Variants in PLEKHD1 observed in about 807,000 individuals in gnomAD.
PLEKHD1 encodes the protein pleckstrin homology domain-containing family D member 1.
In PLEKHD1, 51 loss-of-function variants were observed where a neutral mutation model predicts 69.2. That is an observed-to-expected ratio of 0.74 (90% CI 0.59 to 0.93). The LOEUF (loss-of-function observed/expected upper bound fraction) is 0.93, where lower values mean the gene tolerates loss of function less well. Ranked by LOEUF, PLEKHD1 falls within the 40% of genes least tolerant of loss-of-function variation. The probability of loss-of-function intolerance (pLI) is 0.00; values close to 1 mark genes in which losing one functional copy is unlikely to be tolerated. For synonymous variants in PLEKHD1, 236 were observed against 244.7 expected (o/e 0.96, Z 0.33); for missense variants, 584 against 641.0 (o/e 0.91, Z 0.96).
At chr14:69,517,219 CAA>C (rs1883404405) in intron 6 of PLEKHD1, among the ~76,000 whole-genome samples, 1 of 152,000 alleles carries the variant, frequency 6.6e-6, no homozygotes, top group African/African-American at 2.4e-5. Flanking sequence ...GCATGAATCC[CAA>C]GTTTCTCACC....
chr14:69,482,906 A>T (rs1309978336), upstream of PLEKHD1, among the ~76,000 whole-genome samples: 3 of 116,302 alleles, frequency 2.6e-5, no homozygotes, highest in Non-Finnish European at 6.0e-5. Flanking sequence ...AAAAAAAAAA[A>T]GAAAGAAAGA....
the PLEKHD1 span, among the ~76,000 whole-genome samples, chr14:69,469,432 G>A: frequency 6.6e-6 from 1 of 151,446 alleles, no homozygotes; most frequent in Admixed American, 6.6e-5. Flanking sequence ...AAGAGACAGG[G>A]TCTCTCTCGC....
the PLEKHD1 span, among the ~76,000 whole-genome samples, chr14:69,471,769 C>T: frequency 2.0e-5 from 3 of 152,182 alleles, no homozygotes; most frequent in African/African-American, 7.2e-5. Flanking sequence ...AACCACCACC[C>T]ATGGTAGTCT....
chr14:69,479,421 GC>G, the PLEKHD1 span, among the ~76,000 whole-genome samples: 1 of 152,188 alleles, frequency 6.6e-6, no homozygotes, highest in Admixed American at 6.5e-5. Flanking sequence ...CTTGAAAAGA[GC>G]ACGCATGATG....
rs1291430881 is a variant in PLEKHD1 at position 69,530,399 on chromosome 14, C to T, written c.*1980C>T. 6.6e-6 allele frequency: 1 copy of T among 152,176 alleles called. No homozygotes were observed. The highest frequency in any genetic ancestry group is 1.5e-5 in the Non-Finnish European group (1 of 68,034). 9.4% of individuals were successfully genotyped at this position (152,176 alleles called of 1,614,324 possible). A position where few individuals can be genotyped will look rare whatever the true frequency, so the allele number is the denominator to read the frequency against. ...AATGTAAAACTTTAAACGTGTATAACATGCATAAACCTGGAACTTGTTTCT... is the reference window on the plus strand; with the variant it reads ...AATGTAAAACTTTAAACGTGTATAATATGCATAAACCTGGAACTTGTTTCT... On this transcript the variant is annotated 3_prime_UTR_variant, in exon 13 of 13. Coordinates refer to ENST00000322564, the MANE Select transcript of PLEKHD1 (RefSeq NM_001161498.2).
intron 6 of PLEKHD1, chr14:69,503,794 G>T (rs951373918): frequency 1.0e-4 from 15 of 150,506 alleles, no homozygotes; most frequent in African/African-American, 3.7e-4. Flanking sequence ...AACCCGGGAG[G>T]CCGAGGCTGC....
At chr14:69,498,315 G>C (rs1388664254) in intron 1 of PLEKHD1, among the ~76,000 whole-genome samples, 1 of 152,020 alleles carries the variant, frequency 6.6e-6, no homozygotes, top group East Asian at 1.9e-4. Context: ...CTGACTTCAA[G>C]TGATCTACCT....
At chr14:69,499,627 T>C (rs1020627841) in intron 1 of PLEKHD1, among the ~76,000 whole-genome samples, 25 of 152,364 alleles carry the variant, frequency 1.6e-4, no homozygotes, top group Admixed American at 1.5e-3. Context: ...GGGAGCAGCC[T>C]GAGACAAACG....
intron 1 of PLEKHD1, among the ~76,000 whole-genome samples, chr14:69,486,472 T>G (rs1003364944): frequency 6.6e-6 from 1 of 152,104 alleles, no homozygotes; most frequent in African/African-American, 2.4e-5. Flanking sequence ...TGGAGTGTAT[T>G]TGGGGAGCTT....
upstream of PLEKHD1, chr14:69,484,679 C>A (rs1028832145): frequency 1.2e-5 from 4 of 321,386 alleles, no homozygotes; most frequent in Admixed American, 5.1e-5. Context: ...GTGGCTAGGG[C>A]GGGAGGGGAG....
Position 69,499,443 on chromosome 14 carries a change from C to T in PLEKHD1, c.150-672C>T, listed in dbSNP as rs368157655. 4.5e-4 allele frequency among the ~76,000 whole-genome samples: 68 copies of T among 152,290 alleles called. 1 individual carries two copies. In the South Asian group the frequency reaches 6.8e-3, roughly 15 times the overall value. Reference sequence around the variant, plus strand: ...GGTGCTTGGTGGCTCATCATAGCTCCAAACATGAGTCCTGGGAGAGCCCCT... The same window carrying T: ...GGTGCTTGGTGGCTCATCATAGCTCTAAACATGAGTCCTGGGAGAGCCCCT... On this transcript the variant is annotated intron_variant, in intron 1 of 12. Transcript: ENST00000322564.
At chr14:69,490,512 G>C (rs1407843234) in intron 1 of PLEKHD1, among the ~76,000 whole-genome samples, 1 of 152,208 alleles carries the variant, frequency 6.6e-6, no homozygotes, top group Non-Finnish European at 1.5e-5. Context: ...GGGCCCAGGG[G>C]TTGAAGACTC....
At position 69,485,025 on chromosome 14, in the gene PLEKHD1, G is replaced by A. The variant is rs1349752509; in HGVS notation, c.60G>A (p.Ser20=). Residue 20 remains serine (S), a synonymous_variant, in exon 1 of 13, where the codon TCG becomes TCA. Transcript: ENST00000322564. ...CGCCGTCCCTGGAGCAGGCTGACTC[G>A]GACGCCCTGGATATCAGCACCAAAG... is the stretch of plus-strand genomic sequence containing the variant. The part of the protein sequence containing the change: ...SPSPSLEQAD[S]DALDISTKVQ... 6.4e-7 allele frequency: 1 copy of A among 1,551,240 alleles called. No homozygotes were observed. The highest frequency in any genetic ancestry group is 2.0e-5 in the Admixed American group (1 of 50,992).
At chr14:69,480,355 G>A (rs1401404244), upstream of PLEKHD1, among the ~76,000 whole-genome samples, 1 of 152,240 alleles carries the variant, frequency 6.6e-6, no homozygotes, top group Non-Finnish European at 1.5e-5. Context: ...CTGACAGACA[G>A]ATGCCGGTGC....
At chr14:69,518,042 G>C (rs537100941) in intron 6 of PLEKHD1, among the ~76,000 whole-genome samples, 103 of 102,172 alleles carry the variant, frequency 1.0e-3, no homozygotes, top group Non-Finnish European at 2.0e-3. Context: ...TTGTTTGTTT[G>C]TTTGTTTGAG....
At chr14:69,508,507 C>T (rs1319122594) in intron 6 of PLEKHD1, among the ~76,000 whole-genome samples, 1 of 152,130 alleles carries the variant, frequency 6.6e-6, no homozygotes, top group Non-Finnish European at 1.5e-5. Context: ...TGTAGCCTCC[C>T]AGGCTAAAGT....
In PLEKHD1 at chr14:69,507,376, C is replaced by T. The variant is rs374566975; in HGVS notation, c.555+4497C>T. Among the ~76,000 whole-genome samples the T allele has an allele frequency of 5.9e-5, 9 of 152,258 alleles. No homozygotes were observed. The East Asian group carries it at 1.2e-3, about 20-fold the overall frequency. On this transcript the variant is annotated intron_variant, in intron 6 of 12. Coordinates refer to ENST00000322564, the MANE Select transcript of PLEKHD1 (RefSeq NM_001161498.2). The stretch of plus-strand genomic sequence containing the variant: ...CAGTGCTGAATGATATTACCTTATC[C>T]GCATGTCCTACAGTTTGTTTATCCC...
At chr14:69,521,919 C>T (rs139813647) in intron 6 of PLEKHD1, among the ~76,000 whole-genome samples, 1 of 152,312 alleles carries the variant, frequency 6.6e-6, no homozygotes, top group African/African-American at 2.4e-5. Context: ...ACTCTTTCCT[C>T]CAGGTGTGAG....
Position 69,498,612 on chromosome 14 carries a change from T to TCTTCC in PLEKHD1, c.150-1499_150-1498insCCTTC, listed in dbSNP as rs1288859734. ...TTTTCTCTTCTCTTCTCTTCTCTTC[T>TCTTCC]CTTCTCTTCTCTTCTCTTCTCTTCT... On this transcript the variant is annotated intron_variant, in intron 1 of 12. Coordinates refer to ENST00000322564, the MANE Select transcript of PLEKHD1 (RefSeq NM_001161498.2). Among the ~76,000 whole-genome samples, 206 of 133,052 alleles carry TCTTCC rather than the reference T, an allele frequency of 1.5e-3. 1 individual carries two copies. Among genetic ancestry groups the TCTTCC allele is most frequent in the South Asian group, 2.6e-3 (11 of 4,154 alleles). The allele number at this position is 133,052 out of a possible 152,430, so 87.3% of individuals were successfully genotyped here.
Sources: gnomAD v4.1 joint callset for allele counts (sites outside exome capture counted in the v4.1 genomes callset) on GRCh38, gnomAD v4.1.1 for gene constraint, MANE v1.5 for transcripts, NCBI Gene and HGNC (gene_info 2026-07-23, HGNC 2026-07-21) for gene names.